The following USP45 variants were observed in gnomAD, a reference collection of about 807,000 sequenced individuals.
USP45 encodes ubiquitin specific peptidase 45, also known as ubiquitin carboxyl-terminal hydrolase 45.
In USP45, 89 loss-of-function variants were observed where a neutral mutation model predicts 95.8. That is an observed-to-expected ratio of 0.93 (90% confidence interval 0.78 to 1.11). The LOEUF (loss-of-function observed/expected upper bound fraction) is 1.11, where lower values mean the gene tolerates loss of function less well. USP45 is among the 50% of genes least tolerant of loss of function. The probability of loss-of-function intolerance (pLI) is 0.00; values close to 1 mark genes in which losing one functional copy is unlikely to be tolerated. For synonymous variants in USP45, 281 were observed against 316.2 expected, an observed-to-expected ratio of 0.89 and a Z score of 1.18; for missense variants, 898 against 942.5, an observed-to-expected ratio of 0.95 and a Z score of 0.62.
chr6:99,478,130 C>T (rs1351894751), intron 8 of USP45, among the ~76,000 whole-genome samples: 1 of 151,974 alleles, frequency 6.6e-6, no homozygotes, highest in Non-Finnish European at 1.5e-5. Flanking sequence ...CTGCCTCCAC[C>T]ATGTCTCTGC....
At chr6:99,459,791 A>G (rs1309657702) in intron 13 of USP45, among the ~76,000 whole-genome samples, 2 of 152,164 alleles carry the variant, frequency 1.3e-5, no homozygotes. Flanking sequence ...TCTGAGGGCT[A>G]CAAGGAATAT....
chr6:99,440,693 C>CT (rs949963431), intron 15 of USP45, among the ~76,000 whole-genome samples: 13 of 150,896 alleles, frequency 8.6e-5, no homozygotes, highest in East Asian at 3.9e-4. Context: ...ACAAAAAACC[C>CT]TTTTTTTTTG....
chr6:99,492,281 ACCTGGCT>A (rs1381967466), intron 5 of USP45, among the ~76,000 whole-genome samples: 1 of 152,200 alleles, frequency 6.6e-6, no homozygotes, highest in Non-Finnish European at 1.5e-5. Context: ...TTTCAGCACC[ACCTGGCT>A]CTCCATGCAT....
intron 13 of USP45, among the ~76,000 whole-genome samples, chr6:99,453,252 A>T (rs901928455): frequency 4.6e-5 from 7 of 152,140 alleles, no homozygotes; most frequent in African/African-American, 1.7e-4. Context: ...ATAATCTTAC[A>T]TATAGGATAA....
intron 1 of USP45, among the ~76,000 whole-genome samples, chr6:99,514,349 T>C (rs1800641545): frequency 6.6e-6 from 1 of 152,118 alleles, no homozygotes. Flanking sequence ...TGTCCCGGAT[T>C]TTTACAGAAG....
intron 5 of USP45, among the ~76,000 whole-genome samples, chr6:99,498,802 G>A (rs942001684): frequency 2.0e-5 from 3 of 152,170 alleles, no homozygotes; most frequent in Admixed American, 6.5e-5. Flanking sequence ...TGCAGAAGCA[G>A]ATATGAGAAT....
At chr6:99,503,599 G>A (rs1362762528) in intron 5 of USP45, among the ~76,000 whole-genome samples, 166 bp downstream of exon 5, 1 of 152,022 alleles carries the variant, frequency 6.6e-6, no homozygotes, top group African/African-American at 2.4e-5. Context: ...CAAAATGCTG[G>A]GATTACAGGC....
chr6:99,476,317 G>A (rs1790852174), intron 8 of USP45, 87 bp from the exon 9 acceptor site: 1 of 1,323,834 alleles, frequency 7.6e-7, no homozygotes, highest in South Asian at 1.2e-5. Flanking sequence ...ACTTGAAATA[G>A]CATATTATTA....
At chr6:99,496,576 T>C (rs1015694570) in intron 5 of USP45, among the ~76,000 whole-genome samples, 3 of 152,162 alleles carry the variant, frequency 2.0e-5, no homozygotes, top group African/African-American at 7.2e-5. Flanking sequence ...GCCAAATGCA[T>C]TGGTTTAGAA....
chr6:99,477,487 A>G (rs1431760571), intron 8 of USP45, among the ~76,000 whole-genome samples: 2 of 151,892 alleles, frequency 1.3e-5, no homozygotes, highest in African/African-American at 4.8e-5. Flanking sequence ...TAATTTTTGT[A>G]TTTTTAGTAG....
intron 13 of USP45, among the ~76,000 whole-genome samples, chr6:99,457,442 G>C (rs552003240): frequency 6.6e-6 from 1 of 152,250 alleles, no homozygotes; most frequent in Admixed American, 6.5e-5. Context: ...GCTGGCCGAT[G>C]CTTAAGGAAA....
chr6:99,464,309 AAAAC>A (rs1009633407), intron 13 of USP45, among the ~76,000 whole-genome samples: 34 of 152,342 alleles, frequency 2.2e-4, no homozygotes, highest in East Asian at 1.7e-3. Flanking sequence ...TCCGTCTTAA[AAAAC>A]AAACAAACAA....
chr6:99,502,839 C>T (rs922802701), intron 5 of USP45, among the ~76,000 whole-genome samples: 4 of 152,184 alleles, frequency 2.6e-5, no homozygotes, highest in Non-Finnish European at 4.4e-5. Flanking sequence ...TCTATCTTTT[C>T]CTCCTGTTCC....
intron 8 of USP45, among the ~76,000 whole-genome samples, chr6:99,481,814 T>G (rs1792502031): frequency 6.6e-6 from 1 of 152,166 alleles, no homozygotes; most frequent in African/African-American, 2.4e-5. Context: ...GGCCTCCAGC[T>G]GCATCCATGT....
intron 13 of USP45, among the ~76,000 whole-genome samples, chr6:99,452,333 G>GA (rs1442665068): frequency 1.3e-5 from 2 of 151,756 alleles, no homozygotes; most frequent in Non-Finnish European, 2.9e-5. Flanking sequence ...AAATTTACAA[G>GA]AAAAAAACAA....
At chr6:99,480,401 C>T (rs1199234386) in intron 8 of USP45, among the ~76,000 whole-genome samples, 1 of 152,156 alleles carries the variant, frequency 6.6e-6, no homozygotes, top group Non-Finnish European at 1.5e-5. Flanking sequence ...ACCGGCCAGG[C>T]GCAGTGGCTC....
At chr6:99,507,946 A>G (rs998429028) in intron 3 of USP45, among the ~76,000 whole-genome samples, 1 of 152,202 alleles carries the variant, frequency 6.6e-6, no homozygotes, top group African/African-American at 2.4e-5. Flanking sequence ...ATGAGATGCA[A>G]TTCTGGTTAA....
chr6:99,497,668 A>G (rs1318987198), intron 5 of USP45, among the ~76,000 whole-genome samples: 1 of 152,252 alleles, frequency 6.6e-6, no homozygotes, highest in Non-Finnish European at 1.5e-5. Context: ...AGTCAAACTG[A>G]GATCTACAAA....
rs1263693304 is a variant in USP45, at chr6:99,482,816, C to A, written c.782G>T (p.Ser261Ile). Reference protein sequence around the residue: ...LTSALFLFLHSMKETEKGPLS... With the variant: ...LTSALFLFLHIMKETEKGPLS... ...TGGTCCTTTTTCAGTCTCCTTCATG[C>A]TGTGAAGAAACAGGAACAAGGCTGA... The change falls in exon 8 of 18, where the codon AGC (serine) becomes ATC (isoleucine). Residue 261 changes from serine to isoleucine, a missense_variant. Physicochemically the swap from Ser to Ile is moderately radical, Grantham distance 142. Transcript: ENST00000500704. 1.9e-5 allele frequency: 30 copies of A among 1,606,696 alleles called. No homozygotes were observed. The highest frequency in any genetic ancestry group is 2.5e-5 in the Non-Finnish European group (29 of 1,176,168).
Sources: allele counts gnomAD v4.1 joint callset (sites outside exome capture counted in the v4.1 genomes callset), GRCh38; gene constraint gnomAD v4.1.1; transcripts MANE v1.5; gene names NCBI Gene and HGNC (gene_info 2026-07-23, HGNC 2026-07-21).